PRAMEF15: variants seen among roughly 807,000 people sequenced by gnomAD.
PRAMEF15 encodes the protein PRAME family member 15, also known as PRAME family member 9/15.
A neutral mutation model predicts 35.3 loss-of-function variants in PRAMEF15; 21 were observed. The observed-to-expected ratio is 0.59, with a 90% CI of 0.42 to 0.86. The LOEUF is 0.86. Among genes scored for constraint, PRAMEF15 ranks in the 40% least tolerant of loss-of-function variants. PRAMEF15 has a pLI of 0.00. For synonymous variants in PRAMEF15, 122 were observed against 223.3 expected (o/e 0.55, Z 4.05); for missense variants, 360 against 574.1 (o/e 0.63, Z 3.81).
At chr1:13,316,637 G>C (rs1344812684) in intron 1 of PRAMEF15, among the ~76,000 whole-genome samples, 1 of 151,860 alleles carries the variant, frequency 6.6e-6, no homozygotes, top group South Asian at 2.1e-4. Flanking sequence ...CTTGGGCGAC[G>C]ATGTGAGACT....
chr1:13,320,247 C>T (rs1442668837), intron 3 of PRAMEF15, among the ~76,000 whole-genome samples: 19 of 152,004 alleles, frequency 1.2e-4, no homozygotes, highest in African/African-American at 3.6e-4. Flanking sequence ...TTCCTGAGGA[C>T]ATGTGTCTAA....
At chr1:13,321,381 A>T (rs1411195984) in intron 3 of PRAMEF15, among the ~76,000 whole-genome samples, 1 of 150,852 alleles carries the variant, frequency 6.6e-6, no homozygotes, top group East Asian at 2.0e-4. Flanking sequence ...CACCTGGCTA[A>T]TTTTTGGATT....
intron 3 of PRAMEF15, among the ~76,000 whole-genome samples, chr1:13,321,187 T>G (rs1234981291): frequency 6.7e-6 from 1 of 150,132 alleles, no homozygotes; most frequent in East Asian, 2.0e-4. Context: ...GATGGTGAAG[T>G]GACTCAGCCT....
At position 13,319,762 on chromosome 1, in the gene PRAMEF15, A is replaced by C; in HGVS notation, c.684A>C (p.Pro228=). 2 of 1,600,342 alleles carry C rather than the reference A, an allele frequency of 1.2e-6. No individual in the cohort carries two copies. Among genetic ancestry groups the C allele is most frequent in the Non-Finnish European group, 1.7e-6 (2 of 1,179,574 alleles). ...WVLPILTQFT[P]YLGHMRNLQK... ...TGCCCATCCTGACACAGTTTACCCCATACCTGGGCCACATGAGGAATCTTC... is the reference window on the plus strand; with the variant it reads ...TGCCCATCCTGACACAGTTTACCCCCTACCTGGGCCACATGAGGAATCTTC... Residue 228 remains proline (P), a synonymous_variant, in exon 3 of 4, where the codon CCA becomes CCC. Coordinates refer to ENST00000376152, the MANE Select transcript of PRAMEF15 (RefSeq NM_001098376.3).
chr1:13,320,178 C>T (rs1489272702), intron 3 of PRAMEF15, among the ~76,000 whole-genome samples: 1 of 152,074 alleles, frequency 6.6e-6, no homozygotes, highest in Non-Finnish European at 1.5e-5. Context: ...GAGAGGCTGC[C>T]ATGCTAGGAA....
intron 1 of PRAMEF15, among the ~76,000 whole-genome samples, chr1:13,316,381 T>A (rs1175685205): frequency 6.7e-6 from 1 of 150,330 alleles, no homozygotes; most frequent in African/African-American, 2.5e-5. Flanking sequence ...GCCATGCTCA[T>A]ACCACTGCTG....
chr1:13,316,701 T>C (rs1178134563), intron 1 of PRAMEF15, among the ~76,000 whole-genome samples: 2 of 151,938 alleles, frequency 1.3e-5, no homozygotes, highest in Non-Finnish European at 2.9e-5. Flanking sequence ...ATGGGTTACA[T>C]GAAGATTTCT....
At chr1:13,317,089 TCA>T (rs1228467219) in intron 1 of PRAMEF15, among the ~76,000 whole-genome samples, 2 of 151,346 alleles carry the variant, frequency 1.3e-5, no homozygotes, top group African/African-American at 4.9e-5. Flanking sequence ...TCTCTGTCTC[TCA>T]GTTCAATCTA....
rs1374714654 is a variant in PRAMEF15, at chr1:13,321,020, C to A, written c.876-683C>A. On this transcript the variant is annotated intron_variant, in intron 3 of 3. Transcript: ENST00000376152. The stretch of plus-strand genomic sequence containing the variant: ...CAGGCATGTCAGGGATGCCTACAGC[C>A]CGCCCACCCCAGCTGATGTTGCAGG... Among the ~76,000 whole-genome samples the A allele has an allele frequency of 2.7e-3, 412 of 152,108 alleles. 2 individuals are homozygous for A. Among genetic ancestry groups the A allele is most frequent in the Non-Finnish European group, 4.1e-3 (279 of 68,000 alleles).
Position 13,321,722 on chromosome 1 carries a change from A to G in PRAMEF15, c.895A>G (p.Lys299Glu). Residue 299 changes from lysine to glutamate, a missense_variant, in exon 4 of 4, where the codon AAA becomes GAA. Physicochemically the swap from Lys to Glu is moderately conservative, Grantham distance 56. Coordinates refer to ENST00000376152, the MANE Select transcript of PRAMEF15 (RefSeq NM_001098376.3). ...CCCCAGCTGTCTGAAGACCTCGTTA[A>G]AAGTCCTCACAATAACTAACTGTGT... Reference protein sequence around the residue: ...QLLSCLKTSLKVLTITNCVLL... With the variant: ...QLLSCLKTSLEVLTITNCVLL... 1 of 1,607,898 alleles carries G rather than the reference A, an allele frequency of 6.2e-7. No individual in the cohort carries two copies. The highest frequency in any genetic ancestry group is 8.5e-7 in the Non-Finnish European group (1 of 1,177,242).
At chr1:13,316,035 T>G (rs1639998337) in intron 1 of PRAMEF15, among the ~76,000 whole-genome samples, 1 of 150,816 alleles carries the variant, frequency 6.6e-6, no homozygotes, top group African/African-American at 2.5e-5. Flanking sequence ...AGTCTCACTG[T>G]GTTGCCCAGA....
chr1:13,320,936 A>G (rs1217224653), intron 3 of PRAMEF15, among the ~76,000 whole-genome samples: 2 of 152,090 alleles, frequency 1.3e-5, no homozygotes, highest in African/African-American at 4.8e-5. Context: ...ATTCTGAAAC[A>G]GAGGGTCAGG....
chr1:13,319,378 G>A lies in PRAMEF15; in HGVS notation c.300G>A (p.Trp100Ter). The A allele has an allele frequency of 6.2e-7, 1 of 1,610,900 alleles. No individual in the cohort carries two copies. The highest frequency in any genetic ancestry group is 8.5e-7 in the Non-Finnish European group (1 of 1,179,812). ...LLTQGVRPRR[W>*]KLQVLDLQDV... Reference sequence around the variant, plus strand: ...CACCTCTATTTTGCCACAGGAGGTGGAAACTCCAAGTGCTGGATTTACAGG... The same window carrying A: ...CACCTCTATTTTGCCACAGGAGGTGAAAACTCCAAGTGCTGGATTTACAGG... Residue 100 changes from tryptophan (W) to a stop codon, truncating the protein, a stop_gained, in exon 3 of 4, where the codon TGG (tryptophan) becomes TGA (stop). Transcript: ENST00000376152. LOFTEE classifies it high-confidence loss of function.
intron 3 of PRAMEF15, among the ~76,000 whole-genome samples, chr1:13,321,299 A>G (rs1640080445): frequency 6.8e-6 from 1 of 148,082 alleles, no homozygotes; most frequent in Non-Finnish European, 1.5e-5. Flanking sequence ...ACTGCAACCT[A>G]CACCTCCTGG....
Position 13,318,398 on chromosome 1 carries a change from C to A in PRAMEF15, c.-10C>A. ...TGGGTTTGTCCTCTGGAAGTTTTCC[C>A]TGCAGATTCATGAAGATGAGCATCC... On this transcript the variant is annotated 5_prime_UTR_variant, in exon 2 of 4. It adds an upstream start codon to the 5' untranslated region. Transcript: ENST00000376152. 2.5e-6 allele frequency: 4 copies of A among 1,611,980 alleles called. No homozygotes were observed. In the East Asian group the frequency reaches 8.9e-5, roughly 36 times the overall value.
chr1:13,315,772 T>C (rs1181898899), intron 1 of PRAMEF15, 114 bp downstream of exon 1: 1 of 150,478 alleles, frequency 6.6e-6, no homozygotes, highest in Non-Finnish European at 1.5e-5. Flanking sequence ...TTTTTTTTTT[T>C]TTTTATATGA....
chr1:13,315,891 G>T (rs1324910484), intron 1 of PRAMEF15, among the ~76,000 whole-genome samples: 1 of 151,740 alleles, frequency 6.6e-6, no homozygotes, highest in Non-Finnish European at 1.5e-5. Context: ...AGGGAGCAGT[G>T]ACTCATGCCT....
intron 3 of PRAMEF15, among the ~76,000 whole-genome samples, chr1:13,320,916 G>A (rs1640075277): frequency 6.6e-6 from 1 of 152,010 alleles, no homozygotes; most frequent in Non-Finnish European, 1.5e-5. Context: ...AATTATCTAG[G>A]CAATGCATGA....
In PRAMEF15 at chr1:13,318,471, G is replaced by A; in HGVS notation, c.64G>A (p.Asp22Asn). 6.2e-7 allele frequency: 1 copy of A among 1,614,086 alleles called. No homozygotes were observed. Among genetic ancestry groups the A allele is most frequent in the Non-Finnish European group, 8.5e-7 (1 of 1,180,032 alleles). ...GCTTGCAGGGCGGAGCCTGCTGAGGGACCAAGCTTTGGCCATGTCCACCCT... is the reference window on the plus strand; with the variant it reads ...GCTTGCAGGGCGGAGCCTGCTGAGGAACCAAGCTTTGGCCATGTCCACCCT... ...LELAGRSLLR[D>N]QALAMSTLEE... The change falls in exon 2 of 4, where the codon GAC becomes AAC. Residue 22 changes from aspartate to asparagine, a missense_variant. Coordinates refer to ENST00000376152, the MANE Select transcript of PRAMEF15 (RefSeq NM_001098376.3).
Sources: gnomAD v4.1 joint callset for allele counts (sites outside exome capture counted in the v4.1 genomes callset) on GRCh38, gnomAD v4.1.1 for gene constraint, MANE v1.5 for transcripts, NCBI Gene and HGNC (gene_info 2026-07-23, HGNC 2026-07-21) for gene names.